NAE1: variants seen among roughly 807,000 people sequenced by gnomAD.
The protein encoded by NAE1 is NEDD8-activating enzyme E1 regulatory subunit.
Under a neutral mutation model 88.0 loss-of-function variants are expected in NAE1, and 59 were observed. The ratio of observed to expected loss-of-function variants is 0.67; its 90% CI spans 0.54 to 0.83. The LOEUF is 0.83. Among genes scored for constraint, NAE1 ranks in the 40% least tolerant of loss-of-function variants. The pLI is 0.00. For missense variants in NAE1, 554 were observed against 632.8 expected (o/e 0.88, Z 1.34); for synonymous variants, 186 against 208.9 (o/e 0.89, Z 0.95).
At chr16:66,829,428 T>G (rs553972824) in intron 1 of NAE1, among the ~76,000 whole-genome samples, 2 of 152,216 alleles carry the variant, frequency 1.3e-5, no homozygotes, top group Non-Finnish European at 2.9e-5. Flanking sequence ...TTAGTTTACA[T>G]CCTGGCTCAA....
At chr16:66,808,890 TAA>T (rs1395535343) in intron 16 of NAE1, 97 bp downstream of exon 16, 61 of 753,284 alleles carry the variant, frequency 8.1e-5, no homozygotes, top group Non-Finnish European at 1.2e-4. Context: ...ACGTTATCTT[TAA>T]TATCATCACC....
intron 19 of NAE1, among the ~76,000 whole-genome samples, chr16:66,804,423 G>C (rs1248573804): frequency 6.6e-6 from 1 of 152,002 alleles, no homozygotes; most frequent in Non-Finnish European, 1.5e-5. Context: ...GAGACTACTT[G>C]GTTTTAGTTT....
At chr16:66,821,380 C>T in intron 7 of NAE1, 70 bp downstream of exon 7, 1 of 1,402,422 alleles carries the variant, frequency 7.1e-7, no homozygotes, top group Non-Finnish European at 9.3e-7. Flanking sequence ...AACTGACTTT[C>T]TAAATTGTCA....
rs1959546079 is a variant in NAE1 at position 66,805,972 on chromosome 16, G to GT, written c.1384dup (p.Thr462AsnfsTer16). 6.2e-7 allele frequency: 1 copy of GT among 1,613,400 alleles called. No individual in the cohort carries two copies. The highest frequency in any genetic ancestry group is 1.3e-5 in the African/African-American group (1 of 74,906). On this transcript the variant is annotated frameshift_variant, in exon 18 of 20. Transcript: ENST00000290810. LOFTEE classifies it high-confidence loss of function. ...TAAACCATATTCCTGAAGGAAGCCA[G>GT]TGAGACAAGACTTCAACTTTCCTAT...
intron 13 of NAE1, among the ~76,000 whole-genome samples, chr16:66,812,805 C>T (rs1959863959): frequency 6.6e-6 from 1 of 150,812 alleles, no homozygotes; most frequent in South Asian, 2.1e-4. Context: ...AGGCGTGAGC[C>T]ACCACGCCCG....
chr16:66,803,015 C>G lies in NAE1; in HGVS notation c.1599G>C (p.Gln533His). 6.3e-7 allele frequency: 1 copy of G among 1,593,154 alleles called. No homozygotes were observed. Among genetic ancestry groups the G allele is most frequent in the Admixed American group, 1.7e-5 (1 of 60,000 alleles). The change falls in exon 20 of 20, where the codon CAG (glutamine) becomes CAC (histidine). Residue 533 changes from glutamine to histidine, a missense_variant. By Grantham distance (24) the Gln-to-His change is conservative (BLOSUM62 0). Transcript: ENST00000290810. The stretch of plus-strand genomic sequence containing the variant: ...CTTAAGGTGCTTGCTTACTCTACAA[C>G]TGGAAAGTTGCTGAAGTTTGTGACA... ...SGMSQTSATFQL is the reference protein window; with the variant it reads ...SGMSQTSATFHL
At chr16:66,826,417 A>G in intron 3 of NAE1, 106 bp downstream of exon 3, 1 of 1,040,328 alleles carries the variant, frequency 9.6e-7, no homozygotes, top group Non-Finnish European at 1.4e-6. Flanking sequence ...CCCAAACATA[A>G]GGATGATTTC....
chr16:66,806,985 AGG>A (rs896458742), intron 17 of NAE1, among the ~76,000 whole-genome samples: 16 of 152,206 alleles, frequency 1.1e-4, no homozygotes, highest in Non-Finnish European at 1.6e-4. Context: ...ACATGCCAAA[AGG>A]AAGTCCAAGC....
intron 17 of NAE1, among the ~76,000 whole-genome samples, chr16:66,807,699 G>A (rs1173625229): frequency 6.6e-6 from 1 of 151,944 alleles, no homozygotes; most frequent in Non-Finnish European, 1.5e-5. Flanking sequence ...TGGAGCAGCA[G>A]GTTTTATGAT....
Position 66,808,483 on chromosome 16 carries a change from G to T in NAE1, c.1330+38C>A, listed in dbSNP as rs754637368. 8.6e-6 allele frequency: 11 copies of T among 1,282,918 alleles called. No individual in the cohort carries two copies. The East Asian group carries it at 2.6e-4, about 31-fold the overall frequency. 79.5% of individuals were successfully genotyped at this position (1,282,918 alleles called of 1,614,324 possible). Reference sequence around the variant, plus strand: ...CTTTCAATTTAAATGTTTTATTGAAGATCTTATTATATCTGGTAATTCAAT... The same window carrying T: ...CTTTCAATTTAAATGTTTTATTGAATATCTTATTATATCTGGTAATTCAAT... On this transcript the variant is annotated intron_variant, in intron 17 of 19. Coordinates refer to ENST00000290810, the MANE Select transcript of NAE1 (RefSeq NM_003905.4).
intron 15 of NAE1, 115 bp from the exon 16 acceptor site, chr16:66,809,190 TGAA>T (rs1361287534): frequency 4.6e-6 from 3 of 645,696 alleles, no homozygotes; most frequent in Non-Finnish European, 7.6e-6. Context: ...CATGAGAATG[TGAA>T]GAAATGTTTT....
At chr16:66,820,066 T>C (rs186101312) in intron 7 of NAE1, among the ~76,000 whole-genome samples, 29 of 152,298 alleles carry the variant, frequency 1.9e-4, no homozygotes, top group Admixed American at 3.9e-4. Context: ...CTCCCATCAG[T>C]TGACACCACT....
intron 19 of NAE1, among the ~76,000 whole-genome samples, chr16:66,804,484 G>GT (rs1215758946): frequency 6.6e-6 from 1 of 152,112 alleles, no homozygotes; most frequent in Non-Finnish European, 1.5e-5. Flanking sequence ...TTAGAAAATA[G>GT]TTTTCTTAGG....
Position 66,803,000 on chromosome 16 carries a change from T to C in NAE1, c.*9A>G. The stretch of plus-strand genomic sequence containing the variant: ...ATCATTAACACACTACTTAAGGTGC[T>C]TGCTTACTCTACAACTGGAAAGTTG... On this transcript the variant is annotated 3_prime_UTR_variant, in exon 20 of 20. Coordinates refer to ENST00000290810, the MANE Select transcript of NAE1 (RefSeq NM_003905.4). 2 of 1,534,402 alleles carry C rather than the reference T, an allele frequency of 1.3e-6. No homozygotes were observed. Among genetic ancestry groups the C allele is most frequent in the Non-Finnish European group, 1.8e-6 (2 of 1,107,734 alleles).
intron 19 of NAE1, among the ~76,000 whole-genome samples, chr16:66,803,807 G>A (rs1427893959): frequency 2.0e-5 from 3 of 151,940 alleles, no homozygotes; most frequent in Non-Finnish European, 2.9e-5. Context: ...TGGCCAGGAT[G>A]GTTTTGAACT....
intron 7 of NAE1, among the ~76,000 whole-genome samples, chr16:66,820,994 G>A (rs1484631806): frequency 1.3e-5 from 2 of 152,086 alleles, no homozygotes; most frequent in East Asian, 1.9e-4. Context: ...AGTTGAACCC[G>A]GGAGGTGGAG....
intron 17 of NAE1, 130 bp from the exon 18 acceptor site, chr16:66,806,156 A>G: frequency 9.0e-7 from 1 of 1,106,520 alleles, no homozygotes; most frequent in Admixed American, 3.2e-5. Context: ...ATAACAAAGT[A>G]TGAGACCAAT....
intron 6 of NAE1, among the ~76,000 whole-genome samples, chr16:66,821,825 A>G (rs1960273622): frequency 6.6e-6 from 1 of 152,208 alleles, no homozygotes; most frequent in African/African-American, 2.4e-5. Flanking sequence ...TTAAAGAAAG[A>G]TAATTCTAAA....
In NAE1 at chr16:66,808,580, A is replaced by C. The variant is rs1959665171; in HGVS notation, c.1271T>G (p.Val424Gly). 5 of 1,608,114 alleles carry C rather than the reference A, an allele frequency of 3.1e-6. No homozygotes were observed. The highest frequency in any genetic ancestry group is 3.4e-5 in the Admixed American group (2 of 59,050). Reference protein sequence around the residue: ...SSMDNPDNEIVLYLMLRAVDR... With the variant: ...SSMDNPDNEIGLYLMLRAVDR... ...AACAGCCCGTAACATTAAGTACAACACTATTTCATTATCTGGATTGTCCAT... is the reference window on the plus strand; with the variant it reads ...AACAGCCCGTAACATTAAGTACAACCCTATTTCATTATCTGGATTGTCCAT... Residue 424 changes from valine to glycine, a missense_variant, in exon 17 of 20, where the codon GTG (valine) becomes GGG (glycine). By Grantham distance (109) the Val-to-Gly change is moderately radical (BLOSUM62 -3). Transcript: ENST00000290810.
Sources: gnomAD v4.1 joint callset for allele counts (sites outside exome capture counted in the v4.1 genomes callset) on GRCh38, gnomAD v4.1.1 for gene constraint, MANE v1.5 for transcripts, NCBI Gene and HGNC (gene_info 2026-07-23, HGNC 2026-07-21) for gene names.